Variants in PSEN1 observed in about 807,000 individuals in gnomAD.
PSEN1 encodes presenilin-1.
A neutral mutation model predicts 53.5 loss-of-function variants in PSEN1; 15 were observed. The ratio of observed to expected loss-of-function variants is 0.28; its 90% confidence interval spans 0.19 to 0.43. The LOEUF is 0.43. Among genes scored for constraint, PSEN1 ranks in the 20% least tolerant of loss-of-function variants. The probability of loss-of-function intolerance (pLI) is 1.00; values close to 1 mark genes in which losing one functional copy is unlikely to be tolerated. For missense variants in PSEN1, 387 were observed against 571.2 expected (o/e 0.68, Z 3.29); for synonymous variants, 208 against 209.8 (o/e 0.99, Z 0.08).
chr14:73,189,462 A>G (rs1310876214), intron 6 of PSEN1, among the ~76,000 whole-genome samples: 3 of 152,178 alleles, frequency 2.0e-5, no homozygotes, highest in South Asian at 4.2e-4. Context: ...AATACAAAAA[A>G]TTAGCCGGGC....
intron 9 of PSEN1, among the ~76,000 whole-genome samples, chr14:73,208,064 C>G (rs757721893): frequency 6.6e-6 from 1 of 152,206 alleles, no homozygotes; most frequent in Non-Finnish European, 1.5e-5. Context: ...CAGGGGCACC[C>G]AGAAGCTTGG....
At chr14:73,185,607 G>A (rs191221691) in intron 5 of PSEN1, among the ~76,000 whole-genome samples, 2 of 151,900 alleles carry the variant, frequency 1.3e-5, no homozygotes, top group East Asian at 1.9e-4. Flanking sequence ...GAGGGAGACC[G>A]TGGGGAGAGA....
chr14:73,222,968 A>C lies in PSEN1; in HGVS notation c.*3679A>C, dbSNP rs551070046. The C allele has an allele frequency of 6.6e-6, 1 of 152,226 alleles. No homozygotes were observed. Among genetic ancestry groups the C allele is most frequent in the African/African-American group, 2.4e-5 (1 of 41,468 alleles). 9.4% of individuals were successfully genotyped at this position (152,226 alleles called of 1,614,324 possible). Reference sequence around the variant, plus strand: ...TGGTTTTGCCCTTGGGCTGGAAACTATCATATAATCATAAGTTTGAGCCTA... The same window carrying C: ...TGGTTTTGCCCTTGGGCTGGAAACTCTCATATAATCATAAGTTTGAGCCTA... On this transcript the variant is annotated 3_prime_UTR_variant, in exon 12 of 12. Transcript: ENST00000324501.
In PSEN1 at chr14:73,192,571, A is replaced by T. The variant is rs759834354; in HGVS notation, c.549-73A>T. The stretch of plus-strand genomic sequence containing the variant: ...TATTAATATCTAATGTTTGGGAGCC[A>T]TCACATTATTCTAAATAATGTTTTG... On this transcript the variant is annotated intron_variant, in intron 6 of 11. Transcript: ENST00000324501. 4 of 1,053,262 alleles carry T rather than the reference A, an allele frequency of 3.8e-6. No homozygotes were observed. The African/African-American group carries it at 6.3e-5, about 16-fold the overall frequency. The allele number at this position is 1,053,262 out of a possible 1,614,324, so 65.2% of individuals were successfully genotyped here.
rs1900135789 is a variant in PSEN1, at chr14:73,222,451, T to C, written c.*3162T>C. ...ACTTGTAGAGTGTGAAATATAAGTT[T>C]AACTACCAAATAAGGTCTCCCAGGG... On this transcript the variant is annotated 3_prime_UTR_variant, in exon 12 of 12. Transcript: ENST00000324501. 6.6e-6 allele frequency: 1 copy of C among 152,224 alleles called. No homozygotes were observed. Among genetic ancestry groups the C allele is most frequent in the South Asian group, 2.1e-4 (1 of 4,832 alleles). 9.4% of individuals were successfully genotyped at this position (152,224 alleles called of 1,614,324 possible).
At chr14:73,140,609 G>A (rs998437629) in intron 1 of PSEN1, among the ~76,000 whole-genome samples, 3 of 151,850 alleles carry the variant, frequency 2.0e-5, no homozygotes, top group Admixed American at 2.0e-4. Context: ...TTTCACTATA[G>A]CTTAATAATT....
intron 6 of PSEN1, among the ~76,000 whole-genome samples, chr14:73,189,489 G>A (rs1855472240): frequency 1.3e-5 from 2 of 152,122 alleles, no homozygotes; most frequent in Admixed American, 6.5e-5. Flanking sequence ...GTGGGTGCCT[G>A]TAATTCCAGC....
intron 6 of PSEN1, among the ~76,000 whole-genome samples, chr14:73,188,892 G>C (rs902437643): frequency 1.3e-5 from 2 of 152,006 alleles, no homozygotes; most frequent in African/African-American, 4.8e-5. Context: ...GGGTTCAAGC[G>C]ATTCTCCTGC....
intron 5 of PSEN1, among the ~76,000 whole-genome samples, chr14:73,181,703 A>G (rs570238489): frequency 6.6e-6 from 1 of 152,364 alleles, no homozygotes; most frequent in East Asian, 1.9e-4. Context: ...GTTGATTCTC[A>G]CTGTTAAGGT....
At position 73,187,118 on chromosome 14, in the gene PSEN1, A is replaced by G. The variant is rs185848749; in HGVS notation, c.548+198A>G. On this transcript the variant is annotated intron_variant, in intron 6 of 11. Transcript: ENST00000324501. The stretch of plus-strand genomic sequence containing the variant: ...CTTCTGTTGCTCCTTGCTTATAATA[A>G]GTAGAACTGAAAGAACTTAAGACTA... Among the ~76,000 whole-genome samples, 336 of 152,376 alleles carry G rather than the reference A, an allele frequency of 2.2e-3. 1 individual carries two copies. Among genetic ancestry groups the G allele is most frequent in the Non-Finnish European group, 3.4e-3 (230 of 68,036 alleles).
rs1480252781 is a variant in PSEN1 at position 73,168,368 on chromosome 14, CA to C, written c.88-2424del. On this transcript the variant is annotated intron_variant, in intron 3 of 11. Coordinates refer to ENST00000324501, the MANE Select transcript of PSEN1 (RefSeq NM_000021.4). ...AGACTCTGTCTCAAAAAAAAAAAAA[CA>C]AAAACAAAAAAGATTTCAGCAGCTG... The C allele has an allele frequency of 4.7e-5, 7 of 149,826 alleles. No individual in the cohort carries two copies. The East Asian group carries it at 9.8e-4, about 21-fold the overall frequency. 9.3% of individuals were successfully genotyped at this position (149,826 alleles called of 1,614,324 possible). A position where few individuals can be genotyped will look rare whatever the true frequency, so the allele number is the denominator to read the frequency against.
rs63750227 is a variant in PSEN1 at position 73,217,221 on chromosome 14, G to A, written c.1225G>A (p.Ala409Thr). 10 of 1,614,000 alleles carry A rather than the reference G, an allele frequency of 6.2e-6. No homozygotes were observed. Among genetic ancestry groups the A allele is most frequent in the Non-Finnish European group, 8.5e-6 (10 of 1,179,988 alleles). The change falls in exon 11 of 12, where the codon GCC (alanine) becomes ACC (threonine). Residue 409 changes from alanine to threonine, a missense_variant. Around this residue, in one of 4 missense-constraint regions of PSEN1, gnomAD observed 44 missense variants for 106.3 expected, o/e 0.41. Transcript: ENST00000324501. The part of the protein sequence containing the change: ...TASGDWNTTI[A>T]CFVAILIGLC... ...CAGTGGAGACTGGAACACAACCATA[G>A]CCTGTTTCGTAGCCATATTAATTGT... is the stretch of plus-strand genomic sequence containing the variant.
intron 3 of PSEN1, among the ~76,000 whole-genome samples, chr14:73,153,962 C>T (rs10147873): frequency 0.093 from 14,149 of 151,984 alleles, 1,733 homozygotes; most frequent in African/African-American, 0.29. Flanking sequence ...GATCTGACCA[C>T]CTAGGCCTCT....
intron 10 of PSEN1, 83 bp downstream of exon 10, chr14:73,212,025 G>C: frequency 9.1e-7 from 1 of 1,099,928 alleles, no homozygotes; most frequent in South Asian, 1.3e-5. Flanking sequence ...AAAATGAATT[G>C]AGAGTGTTAC....
chr14:73,174,319 A>C (rs1255431499), intron 5 of PSEN1: 1 of 154,336 alleles, frequency 6.5e-6, no homozygotes, highest in Non-Finnish European at 1.4e-5. Flanking sequence ...CTGCAGACTC[A>C]ACCCACCAGT....
At chr14:73,172,056 A>AG (rs1268261732) in intron 4 of PSEN1, among the ~76,000 whole-genome samples, 8 of 152,134 alleles carry the variant, frequency 5.3e-5, no homozygotes, top group African/African-American at 1.9e-4. Context: ...CTCCAGGGTG[A>AG]GGTGTATAAT....
intron 3 of PSEN1, among the ~76,000 whole-genome samples, chr14:73,152,888 C>G (rs1451539549): frequency 1.3e-5 from 2 of 152,022 alleles, no homozygotes; most frequent in Non-Finnish European, 2.9e-5. Context: ...ATTAAAAATA[C>G]AAAAATTAGC....
At chr14:73,174,332 C>T (rs1897983683) in intron 5 of PSEN1, 1 of 153,562 alleles carries the variant, frequency 6.5e-6, no homozygotes, top group South Asian at 2.0e-4. Context: ...CCACCAGTTT[C>T]AAGCGATTCT....
At chr14:73,155,900 G>A (rs1897339990) in intron 3 of PSEN1, among the ~76,000 whole-genome samples, 1 of 152,092 alleles carries the variant, frequency 6.6e-6, no homozygotes, top group Non-Finnish European at 1.5e-5. Context: ...GAACCCTAAG[G>A]TAAACTGTGG....
Sources: gnomAD v4.1 joint callset for allele counts (sites outside exome capture counted in the v4.1 genomes callset) on GRCh38, gnomAD v4.1.1 for gene constraint, gnomAD v4.1.1 regional missense constraint, MANE v1.5 for transcripts, NCBI Gene and HGNC (gene_info 2026-07-23, HGNC 2026-07-21) for gene names.